The following PTPRS variants were observed in gnomAD, a reference collection of about 807,000 sequenced individuals.
PTPRS encodes the protein protein tyrosine phosphatase receptor type S.
In PTPRS, 63 loss-of-function variants were observed where a neutral mutation model predicts 215.3. The observed-to-expected ratio is 0.29, with a 90% confidence interval of 0.24 to 0.36. The LOEUF (loss-of-function observed/expected upper bound fraction) is 0.36. Ranked by LOEUF, PTPRS falls within the 10% of genes least tolerant of loss-of-function variation. PTPRS has a pLI of 1.00. For synonymous variants in PTPRS, 1,404 were observed against 1,191.4 expected (o/e 1.18, Z -3.68); for missense variants, 2,258 against 2,825.8 (o/e 0.80, Z 4.56).
rs112716102 is a variant in PTPRS at position 5,225,881 on chromosome 19, G to A, written c.2377-37C>T. 199 of 1,558,330 alleles carry A rather than the reference G, an allele frequency of 1.3e-4. 2 individuals are homozygous for A. The African/African-American group carries it at 2.4e-3, about 19-fold the overall frequency. On this transcript the variant is annotated intron_variant, in intron 16 of 37. Transcript: ENST00000262963. ...GCTGGGGGTCAGCACGACGGCTGGG[G>A]CTGGGAGCAGCCCCACCCACCCCCA...
At chr19:5,272,764 G>A (rs527933872) in intron 4 of PTPRS, among the ~76,000 whole-genome samples, 2 of 152,050 alleles carry the variant, frequency 1.3e-5, no homozygotes, top group Admixed American at 6.6e-5. Flanking sequence ...ATGGGGTCTC[G>A]CTATGTTGCC....
intron 6 of PTPRS, among the ~76,000 whole-genome samples, chr19:5,262,120 C>G (rs927993882): frequency 6.6e-6 from 1 of 152,108 alleles, no homozygotes; most frequent in Admixed American, 6.6e-5. Flanking sequence ...ACTAAAAATA[C>G]AAAAATTAGC....
In PTPRS at chr19:5,257,359, G is replaced by C; in HGVS notation, c.706+658C>G. Reference sequence around the variant, plus strand: ...GGTGCCGTGCCTGCCCCAGCTCGGTGCAACTACCGAGCCCCCCGGGTGCCT... The same window carrying C: ...GGTGCCGTGCCTGCCCCAGCTCGGTCCAACTACCGAGCCCCCCGGGTGCCT... On this transcript the variant is annotated intron_variant, in intron 8 of 37. Transcript: ENST00000262963. The surrounding 1 kb of genome is among the most constrained non-coding windows in gnomAD (Gnocchi z 4.4). 4 of 451,874 alleles carry C rather than the reference G, an allele frequency of 8.9e-6. No individual in the cohort carries two copies. Among genetic ancestry groups the C allele is most frequent in the Non-Finnish European group, 1.8e-5 (4 of 224,006 alleles). The allele number at this position is 451,874 out of a possible 1,614,324, so 28.0% of individuals were successfully genotyped here.
chr19:5,249,356 A>C (rs1168167044), intron 9 of PTPRS, among the ~76,000 whole-genome samples: 1 of 152,178 alleles, frequency 6.6e-6, no homozygotes, highest in Non-Finnish European at 1.5e-5. Flanking sequence ...ACGAAATGGA[A>C]ACAGTAAGAA....
At chr19:5,299,830 A>G (rs2049249551) in intron 1 of PTPRS, among the ~76,000 whole-genome samples, 1 of 152,198 alleles carries the variant, frequency 6.6e-6, no homozygotes, top group South Asian at 2.1e-4. Flanking sequence ...AGATCGCGCC[A>G]TTGCACTCCA....
rs1259220009 is a variant in PTPRS, at chr19:5,315,353, T to C, written c.-95+25311A>G. Among the ~76,000 whole-genome samples, 14 of 76,480 alleles carry C rather than the reference T, an allele frequency of 1.8e-4. 5 individuals are homozygous for C. The highest frequency in any genetic ancestry group is 9.8e-4 in the African/African-American group (14 of 14,276). The allele number at this position is 76,480 out of a possible 152,430, so 50.2% of individuals were successfully genotyped here. A position where few individuals can be genotyped will look rare whatever the true frequency, so the allele number is the denominator to read the frequency against. ...TGGAGAATTTTTATTTGAAAAGGGT[T>C]TTTTTTTTTTTTTTTTTTTTTTTTT... On this transcript the variant is annotated intron_variant, in intron 1 of 37. Coordinates refer to ENST00000262963, the MANE Select transcript of PTPRS (RefSeq NM_002850.4).
At chr19:5,303,064 C>T (rs542218667) in intron 1 of PTPRS, among the ~76,000 whole-genome samples, 7 of 151,828 alleles carry the variant, frequency 4.6e-5, no homozygotes, top group African/African-American at 7.3e-5. Context: ...AGAGAGACCC[C>T]GTCTCAAAAA....
At chr19:5,267,305 C>T (rs1299451901) in intron 4 of PTPRS, among the ~76,000 whole-genome samples, 2 of 152,076 alleles carry the variant, frequency 1.3e-5, no homozygotes, top group Non-Finnish European at 2.9e-5. Context: ...TGCTTCTGGG[C>T]TGAGGTGATG....
intron 13 of PTPRS, among the ~76,000 whole-genome samples, chr19:5,238,089 G>A (rs77136978): frequency 0.023 from 3,563 of 152,258 alleles, 60 homozygotes; most frequent in Non-Finnish European, 0.036. Context: ...GGGAGGCCAC[G>A]ACAGAGAGAC....
chr19:5,304,240 C>CAGAT (rs1297326425), intron 1 of PTPRS, among the ~76,000 whole-genome samples: 9 of 151,654 alleles, frequency 5.9e-5, no homozygotes, highest in African/African-American at 2.2e-4. Context: ...CCGAGGCAGG[C>CAGAT]AGATCACAAG....
At chr19:5,229,906 C>CG (rs558765652) in intron 14 of PTPRS, among the ~76,000 whole-genome samples, 1 of 71,150 alleles carries the variant, frequency 1.4e-5, no homozygotes, top group African/African-American at 1.2e-4. Context: ...ATCCAGGCTG[C>CG]CCCCCCCCGA....
chr19:5,206,860 A>C lies in PTPRS; in HGVS notation c.5779-18T>G. Reference sequence around the variant, plus strand: ...TACTCATCCTGGGGGAGCAGAGGTGACCTGTTAGTACCTCCGCTGCTCTAA... The same window carrying C: ...TACTCATCCTGGGGGAGCAGAGGTGCCCTGTTAGTACCTCCGCTGCTCTAA... On this transcript the variant is annotated intron_variant, in intron 37 of 37. Coordinates refer to ENST00000262963, the MANE Select transcript of PTPRS (RefSeq NM_002850.4). 1 of 1,611,368 alleles carries C rather than the reference A, an allele frequency of 6.2e-7. No individual in the cohort carries two copies. The highest frequency in any genetic ancestry group is 8.5e-7 in the Non-Finnish European group (1 of 1,177,618).
chr19:5,316,839 G>T (rs1196187859), intron 1 of PTPRS, among the ~76,000 whole-genome samples: 1 of 152,082 alleles, frequency 6.6e-6, no homozygotes, highest in Non-Finnish European at 1.5e-5. Flanking sequence ...GTGATTTGGG[G>T]TTCTGGCACC....
Position 5,310,737 on chromosome 19 carries a change from ACTCT to A in PTPRS, c.-94-24507_-94-24504del, listed in dbSNP as rs561306577. Reference sequence around the variant, plus strand: ...TTTTTGTTTTTTGAGGCAGGGTCTCACTCTGTCACCCAGGCTGGAGTGCAGTGAC... The same window carrying A: ...TTTTTGTTTTTTGAGGCAGGGTCTCAGTCACCCAGGCTGGAGTGCAGTGAC... On this transcript the variant is annotated intron_variant, in intron 1 of 37. Transcript: ENST00000262963. Among the ~76,000 whole-genome samples, 11 of 151,268 alleles carry A rather than the reference ACTCT, an allele frequency of 7.3e-5. No individual in the cohort carries two copies. The East Asian group carries it at 1.6e-3, about 21-fold the overall frequency.
At chr19:5,239,185 GAGACAGAGAAAT>G (rs1464406500) in intron 12 of PTPRS, 122 bp from the exon 13 acceptor site, 2 of 698,640 alleles carry the variant, frequency 2.9e-6, no homozygotes, top group Non-Finnish European at 4.7e-6. Flanking sequence ...GAGAGAGAGA[GAGACAGAGAAAT>G]AGAGACAGGG....
At position 5,273,473 on chromosome 19, in the gene PTPRS, G is replaced by T; in HGVS notation, c.348C>A (p.Ile116=). The T allele has an allele frequency of 6.2e-7, 1 of 1,614,228 alleles. No individual in the cohort carries two copies. Among genetic ancestry groups the T allele is most frequent in the Non-Finnish European group, 8.5e-7 (1 of 1,180,052 alleles). The change falls in exon 4 of 38, where the codon ATC becomes ATA. Residue 116 remains isoleucine (I), a synonymous_variant. Coordinates refer to ENST00000262963, the MANE Select transcript of PTPRS (RefSeq NM_002850.4). ...GGACAGTAAGCTTGGCATGGACTGT[G>T]ATCTCCCCAACCGAGTTCTGGGCCA... ...ECVAQNSVGE[I]TVHAKLTVLR...
chr19:5,320,754 C>T (rs747261951), intron 1 of PTPRS, among the ~76,000 whole-genome samples: 16 of 152,074 alleles, frequency 1.1e-4, no homozygotes, highest in Admixed American at 3.9e-4. Context: ...TCACACTGTC[C>T]TCATGCTGAG....
intron 33 of PTPRS, among the ~76,000 whole-genome samples, chr19:5,211,152 C>T (rs2040841856): frequency 6.6e-6 from 1 of 152,198 alleles, no homozygotes; most frequent in Non-Finnish European, 1.5e-5. Context: ...CATGTGGCAC[C>T]CTCTGCCAGG....
chr19:5,241,898 C>T (rs968864128), intron 11 of PTPRS, among the ~76,000 whole-genome samples: 7 of 152,006 alleles, frequency 4.6e-5, no homozygotes, highest in Non-Finnish European at 8.8e-5. Flanking sequence ...TGCAGTGGCA[C>T]GATCTCAGCT....
Sources: gnomAD v4.1 joint callset for allele counts (sites outside exome capture counted in the v4.1 genomes callset) on GRCh38, gnomAD v4.1.1 for gene constraint, Gnocchi (gnomAD v3.1) non-coding constraint, MANE v1.5 for transcripts, NCBI Gene and HGNC (gene_info 2026-07-23, HGNC 2026-07-21) for gene names.